The following XRCC5 variants were observed in gnomAD, a reference collection of about 807,000 sequenced individuals.
XRCC5 encodes DNA repair protein Ku80.
XRCC5 carries 12 observed loss-of-function variants against 95.7 expected under a neutral mutation model. The observed-to-expected ratio is 0.13, with a 90% CI of 0.08 to 0.20. The LOEUF is 0.20. XRCC5 is among the 10% of genes least tolerant of loss of function. XRCC5 has a pLI of 1.00. For synonymous variants in XRCC5, 281 were observed against 290.3 expected, an observed-to-expected ratio of 0.97 and a Z score of 0.33; for missense variants, 595 against 873.9, an observed-to-expected ratio of 0.68 and a Z score of 4.02.
At chr2:216,155,887 A>C (rs760409630) in intron 14 of XRCC5, among the ~76,000 whole-genome samples, 4 of 152,226 alleles carry the variant, frequency 2.6e-5, no homozygotes, top group African/African-American at 4.8e-5. Flanking sequence ...ACTAAAATAC[A>C]ACGAGAAGGG....
chr2:216,137,784 T>C (rs1236087564), intron 11 of XRCC5, among the ~76,000 whole-genome samples: 1 of 152,224 alleles, frequency 6.6e-6, no homozygotes, highest in Non-Finnish European at 1.5e-5. Context: ...AAGGCACATA[T>C]CTTGACTTCC....
chr2:216,126,840 C>G (rs2106006666), intron 7 of XRCC5, among the ~76,000 whole-genome samples: 1 of 151,906 alleles, frequency 6.6e-6, no homozygotes, highest in Non-Finnish European at 1.5e-5. Flanking sequence ...AATATAGTCT[C>G]CCTCCTCTTT....
At chr2:216,122,287 T>C in intron 6 of XRCC5, 34 bp downstream of exon 6, 1 of 1,567,664 alleles carries the variant, frequency 6.4e-7, no homozygotes. Context: ...GAATTTTTAA[T>C]TGTACCCACG....
chr2:216,128,152 A>G (rs567340009), intron 8 of XRCC5, among the ~76,000 whole-genome samples: 166 of 152,148 alleles, frequency 1.1e-3, no homozygotes, highest in Middle Eastern at 3.4e-3. Flanking sequence ...TAAAAGTTGT[A>G]CTCCTATGTT....
At chr2:216,175,797 C>A in intron 16 of XRCC5, 2 of 441,532 alleles carry the variant, frequency 4.5e-6, no homozygotes, top group Admixed American at 2.7e-5. Flanking sequence ...AAAACCAAAG[C>A]CCCTGGAATG....
Position 216,122,082 on chromosome 2 carries a change from A to C in XRCC5, c.512A>C (p.Lys171Thr). Reference sequence around the variant, plus strand: ...AATAGCTTGCCTTTCTCACTTGGCAAGGAAGATGGAAGTGGGGACAGAGGA... The same window carrying C: ...AATAGCTTGCCTTTCTCACTTGGCACGGAAGATGGAAGTGGGGACAGAGGA... ...LQFFLPFSLGKEDGSGDRGDG... is the reference protein window; with the variant it reads ...LQFFLPFSLGTEDGSGDRGDG... The change falls in exon 6 of 21, where the codon AAG (lysine) becomes ACG (threonine). Residue 171 changes from lysine (K) to threonine (T), a missense_variant. Around this residue, in one of 2 missense-constraint regions of XRCC5, gnomAD observed 286 missense variants for 491.1 expected, o/e 0.58. Transcript: ENST00000392132. The C allele has an allele frequency of 6.2e-7, 1 of 1,612,382 alleles. No homozygotes were observed. Among genetic ancestry groups the C allele is most frequent in the East Asian group, 2.2e-5 (1 of 44,864 alleles).
rs1040702553 is a variant in XRCC5, at chr2:216,117,030, C to A, written c.319+188C>A. The stretch of plus-strand genomic sequence containing the variant: ...ATCAGTTTAAAACAGTGCCTGGGCT[C>A]CCAGCCCTCCACTCACTTCCCTGTT... On this transcript the variant is annotated intron_variant, in intron 3 of 20. Coordinates refer to ENST00000392132, the MANE Select transcript of XRCC5 (RefSeq NM_021141.4). 3.3e-5 allele frequency: 21 copies of A among 633,982 alleles called. 1 individual carries two copies. In the Admixed American group the frequency reaches 6.0e-4, roughly 18 times the overall value. The allele number at this position is 633,982 out of a possible 1,614,324, so 39.3% of individuals were successfully genotyped here.
intron 10 of XRCC5, 81 bp from the exon 11 acceptor site, chr2:216,137,007 T>G (rs1201108911): frequency 6.9e-7 from 1 of 1,456,994 alleles, no homozygotes; most frequent in Non-Finnish European, 9.1e-7. Flanking sequence ...AAGAAAGTGA[T>G]AACAGTCTTA....
In XRCC5 at chr2:216,137,238, GTC is replaced by G. The variant is rs1559243839; in HGVS notation, c.1251+15_1251+16del. ...GCATAACTATGAGGTAAAACCCAAA[GTC>G]TTAATGTTATTTTTTTTCTTCAGTT... On this transcript the variant is annotated intron_variant, in intron 11 of 20. Transcript: ENST00000392132. The G allele has an allele frequency of 1.2e-6, 2 of 1,602,886 alleles. No individual in the cohort carries two copies. The highest frequency in any genetic ancestry group is 1.7e-6 in the Non-Finnish European group (2 of 1,175,958).
At chr2:216,168,845 T>C (rs921126632) in intron 16 of XRCC5, among the ~76,000 whole-genome samples, 3 of 152,240 alleles carry the variant, frequency 2.0e-5, no homozygotes, top group Admixed American at 2.0e-4. Flanking sequence ...ATTCTACTGA[T>C]AGATAAACTA....
chr2:216,140,463 G>C (rs888590482), intron 12 of XRCC5, among the ~76,000 whole-genome samples: 1 of 152,116 alleles, frequency 6.6e-6, no homozygotes, highest in Non-Finnish European at 1.5e-5. Context: ...TATTGCTTTG[G>C]GCTGTACCAT....
intron 14 of XRCC5, 106 bp from the exon 15 acceptor site, chr2:216,159,962 T>A (rs751451642): frequency 4.5e-5 from 27 of 598,184 alleles, no homozygotes; most frequent in Non-Finnish European, 7.3e-5. Context: ...TCTTTTCTTC[T>A]TCTTCTTTTT....
intron 5 of XRCC5, among the ~76,000 whole-genome samples, chr2:216,120,938 G>T (rs1696795348): frequency 6.6e-6 from 1 of 152,154 alleles, no homozygotes; most frequent in African/African-American, 2.4e-5. Context: ...GTTTTACCAT[G>T]TTGGCCAGGC....
At chr2:216,109,506 AG>A (rs1283323304) in intron 1 of XRCC5, 49 bp downstream of exon 1, 1 of 1,611,394 alleles carries the variant, frequency 6.2e-7, no homozygotes, top group East Asian at 2.2e-5. Context: ...GGGGATCCGG[AG>A]AGGGTGGTTC....
At chr2:216,138,221 C>T in intron 12 of XRCC5, 42 bp downstream of exon 12, 1 of 1,555,578 alleles carries the variant, frequency 6.4e-7, no homozygotes, top group Non-Finnish European at 8.8e-7. Flanking sequence ...ACTACACACA[C>T]TGTTCTTGGG....
At chr2:216,135,184 T>C (rs1697055153) in intron 10 of XRCC5, among the ~76,000 whole-genome samples, 1 of 152,010 alleles carries the variant, frequency 6.6e-6, no homozygotes, top group Non-Finnish European at 1.5e-5. Flanking sequence ...ACCGTGATAG[T>C]GAGAGAAGTA....
chr2:216,148,912 T>A (rs1444728017), intron 14 of XRCC5, among the ~76,000 whole-genome samples: 1 of 151,378 alleles, frequency 6.6e-6, no homozygotes, highest in Non-Finnish European at 1.5e-5. Context: ...AAAACAAAAA[T>A]AAAACAAGAA....
intron 16 of XRCC5, among the ~76,000 whole-genome samples, chr2:216,180,915 C>T (rs867406661): frequency 8.0e-5 from 12 of 150,726 alleles, no homozygotes; most frequent in Middle Eastern, 3.4e-3. Context: ...CAGGTTCAAA[C>T]AATTCTCCTG....
chr2:216,154,478 G>A (rs538437715), intron 14 of XRCC5, among the ~76,000 whole-genome samples: 1 of 152,184 alleles, frequency 6.6e-6, no homozygotes, highest in Non-Finnish European at 1.5e-5. Flanking sequence ...CTGCTTTTAT[G>A]TAGGCCTTCT....
Sources: gnomAD v4.1 joint callset for allele counts (sites outside exome capture counted in the v4.1 genomes callset) on GRCh38, gnomAD v4.1.1 for gene constraint, gnomAD v4.1.1 regional missense constraint, MANE v1.5 for transcripts, NCBI Gene and HGNC (gene_info 2026-07-23, HGNC 2026-07-21) for gene names.